PHACTR1: variants seen among roughly 807,000 people sequenced by gnomAD.
The protein encoded by PHACTR1 is phosphatase and actin regulator 1.
Under a neutral mutation model 69.2 loss-of-function variants are expected in PHACTR1, and 16 were observed. The ratio of observed to expected loss-of-function variants is 0.23; its 90% CI spans 0.16 to 0.35. PHACTR1 has a LOEUF of 0.35. Among genes scored for constraint, PHACTR1 ranks in the 10% least tolerant of loss-of-function variants. The probability of loss-of-function intolerance (pLI) is 1.00; values close to 1 mark genes in which losing one functional copy is unlikely to be tolerated. For missense variants in PHACTR1, 510 were observed against 734.7 expected, an observed-to-expected ratio of 0.69 and a Z score of 3.54; for synonymous variants, 312 against 284.5, an observed-to-expected ratio of 1.10 and a Z score of -0.97.
intron 3 of PHACTR1, among the ~76,000 whole-genome samples, chr6:12,733,285 T>G (rs760485701): frequency 5.3e-5 from 8 of 152,224 alleles, no homozygotes; most frequent in Non-Finnish European, 1.0e-4. Flanking sequence ...AACTGAGGCT[T>G]AGGGAAGACA....
At chr6:12,884,184 G>C (rs150044667) in intron 4 of PHACTR1, among the ~76,000 whole-genome samples, 1 of 151,918 alleles carries the variant, frequency 6.6e-6, no homozygotes, top group South Asian at 2.1e-4. Flanking sequence ...GTTCTCCAGC[G>C]TATCATAAGC....
chr6:12,953,977 C>T (rs1349332299), intron 4 of PHACTR1, among the ~76,000 whole-genome samples: 1 of 152,096 alleles, frequency 6.6e-6, no homozygotes, highest in Non-Finnish European at 1.5e-5. Flanking sequence ...AGTTATAATA[C>T]ATTGACTAAT....
chr6:12,743,862 A>G (rs1052000843), intron 3 of PHACTR1, among the ~76,000 whole-genome samples: 1 of 152,242 alleles, frequency 6.6e-6, no homozygotes, highest in Non-Finnish European at 1.5e-5. Flanking sequence ...CATTCTTCTC[A>G]GCACCACATC....
intron 4 of PHACTR1, among the ~76,000 whole-genome samples, chr6:12,855,996 A>G (rs562138102): frequency 1.3e-5 from 2 of 152,284 alleles, no homozygotes; most frequent in African/African-American, 2.4e-5. Context: ...TTTAAAGTTA[A>G]TAGTCACAAA....
chr6:13,218,798 G>A (rs1309056769), intron 8 of PHACTR1, among the ~76,000 whole-genome samples: 3 of 151,054 alleles, frequency 2.0e-5, no homozygotes, highest in African/African-American at 7.3e-5. Context: ...AGAAGGAGGA[G>A]GAGAAGAAGA....
rs924318264 is a variant in PHACTR1, at chr6:13,254,137, A to C, written c.1392-18723A>C. 1.2e-4 allele frequency among the ~76,000 whole-genome samples: 18 copies of C among 152,292 alleles called. 1 individual carries two copies. Among genetic ancestry groups the C allele is most frequent in the South Asian group, 4.1e-4 (2 of 4,828 alleles). On this transcript the variant is annotated intron_variant, in intron 10 of 14. Coordinates refer to ENST00000332995, the MANE Select transcript of PHACTR1 (RefSeq NM_030948.6). Reference sequence around the variant, plus strand: ...CAGCTACTCGGGAGGCTGAGGTGGGAGAATTACTTGAACCCGGGAGGCGGA... The same window carrying C: ...CAGCTACTCGGGAGGCTGAGGTGGGCGAATTACTTGAACCCGGGAGGCGGA...
At chr6:13,115,728 T>C (rs1031082027) in intron 5 of PHACTR1, among the ~76,000 whole-genome samples, 2 of 152,154 alleles carry the variant, frequency 1.3e-5, no homozygotes, top group Non-Finnish European at 2.9e-5. Flanking sequence ...TTGGGGCAGA[T>C]AATGGAAAAA....
chr6:13,032,386 A>T (rs1310414599), intron 4 of PHACTR1, among the ~76,000 whole-genome samples: 1 of 152,196 alleles, frequency 6.6e-6, no homozygotes, highest in African/African-American at 2.4e-5. Flanking sequence ...CTGTAGCAGA[A>T]GACCTATATA....
intron 5 of PHACTR1, among the ~76,000 whole-genome samples, chr6:13,062,559 A>G (rs1393427969): frequency 6.6e-6 from 1 of 152,146 alleles, no homozygotes; most frequent in Non-Finnish European, 1.5e-5. Context: ...GGCAGTCTAC[A>G]CTGGATTCTG....
intron 10 of PHACTR1, among the ~76,000 whole-genome samples, chr6:13,262,748 C>A (rs1253549022): frequency 6.6e-6 from 1 of 152,200 alleles, no homozygotes; most frequent in East Asian, 1.9e-4. Flanking sequence ...GTTAGAAAAC[C>A]CCATCTCCTC....
chr6:13,136,120 C>G lies in PHACTR1; in HGVS notation c.416-24084C>G, dbSNP rs186799734. 5.9e-5 allele frequency among the ~76,000 whole-genome samples: 9 copies of G among 152,038 alleles called. 1 individual carries two copies. The East Asian group carries it at 1.5e-3, about 26-fold the overall frequency. On this transcript the variant is annotated intron_variant, in intron 5 of 14. Transcript: ENST00000332995. ...TTTCCATGCTTCTTGTCATTATTCT[C>G]ACTGTACTTTACTGGAATTTTCCAT...
chr6:13,189,053 T>G (rs1431219605), intron 7 of PHACTR1, among the ~76,000 whole-genome samples: 1 of 152,258 alleles, frequency 6.6e-6, no homozygotes, highest in Non-Finnish European at 1.5e-5. Flanking sequence ...TGTTCAACGC[T>G]GCATGAATAA....
intron 4 of PHACTR1, among the ~76,000 whole-genome samples, chr6:12,772,665 G>T (rs1769539020): frequency 6.6e-6 from 1 of 152,106 alleles, no homozygotes; most frequent in African/African-American, 2.4e-5. Context: ...TGGTACTTGG[G>T]CGTGGATCTC....
At chr6:12,983,768 T>C (rs903475467) in intron 4 of PHACTR1, among the ~76,000 whole-genome samples, 2 of 152,150 alleles carry the variant, frequency 1.3e-5, no homozygotes, top group African/African-American at 2.4e-5. Flanking sequence ...CATTGTTCAA[T>C]TCCCACCTAT....
chr6:13,020,474 G>A (rs1800805368), intron 4 of PHACTR1, among the ~76,000 whole-genome samples: 1 of 152,158 alleles, frequency 6.6e-6, no homozygotes, highest in Admixed American at 6.5e-5. Flanking sequence ...GACTCAGGAT[G>A]TCATGGACAC....
intron 3 of PHACTR1, among the ~76,000 whole-genome samples, chr6:12,737,814 T>C (rs558252216): frequency 5.7e-4 from 87 of 152,268 alleles, no homozygotes; most frequent in African/African-American, 2.0e-3. Flanking sequence ...CAGGCTGGTC[T>C]CAAACTCCTG....
At chr6:12,965,657 G>A (rs554765741) in intron 4 of PHACTR1, among the ~76,000 whole-genome samples, 1 of 152,252 alleles carries the variant, frequency 6.6e-6, no homozygotes, top group East Asian at 1.9e-4. Context: ...TGAATCAACG[G>A]TATGTGTTAA....
intron 4 of PHACTR1, among the ~76,000 whole-genome samples, chr6:12,935,463 C>T (rs372420539): frequency 6.6e-6 from 1 of 152,102 alleles, no homozygotes; most frequent in African/African-American, 2.4e-5. Flanking sequence ...AGGCTGGTCT[C>T]GAACTTTTGA....
intron 7 of PHACTR1, among the ~76,000 whole-genome samples, chr6:13,193,935 C>T (rs992582096): frequency 2.0e-5 from 3 of 152,128 alleles, no homozygotes; most frequent in African/African-American, 4.8e-5. Flanking sequence ...AATTGAAGGG[C>T]ATTCTTCTCT....
Sources: allele counts gnomAD v4.1 joint callset (sites outside exome capture counted in the v4.1 genomes callset), GRCh38; gene constraint gnomAD v4.1.1; transcripts MANE v1.5; gene names NCBI Gene and HGNC (gene_info 2026-07-23, HGNC 2026-07-21).